CNTNAP2: variants seen among roughly 807,000 people sequenced by gnomAD.
CNTNAP2 encodes the protein contactin associated protein 2.
CNTNAP2 carries 98 observed loss-of-function variants against 155.2 expected under a neutral mutation model. The observed-to-expected ratio is 0.63, with a 90% CI of 0.54 to 0.75. CNTNAP2 has a LOEUF of 0.75. CNTNAP2 is among the 30% of genes least tolerant of loss of function. The probability of loss-of-function intolerance (pLI) is 0.00; values close to 1 mark genes in which losing one functional copy is unlikely to be tolerated. For missense variants in CNTNAP2, 1,727 were observed against 1,688.1 expected (o/e 1.02, Z -0.40); for synonymous variants, 651 against 631.2 (o/e 1.03, Z -0.47).
intron 10 of CNTNAP2, among the ~76,000 whole-genome samples, chr7:147,409,776 G>T (rs1797071442): frequency 6.7e-6 from 1 of 149,854 alleles, no homozygotes; most frequent in African/African-American, 2.5e-5. Flanking sequence ...ACATACTTGA[G>T]ATGAACCATC....
At position 147,400,356 on chromosome 7, in the gene CNTNAP2, C is replaced by T. The variant is rs950476520; in HGVS notation, c.1670+4576C>T. ...GCTAGAATTCCTAAACTCGGAGACT[C>T]GCTACAACAGATCTGATAGTTGGCC... On this transcript the variant is annotated intron_variant, in intron 10 of 23. Transcript: ENST00000361727. 2.6e-5 allele frequency among the ~76,000 whole-genome samples: 4 copies of T among 152,080 alleles called. 1 individual carries two copies. Among genetic ancestry groups the T allele is most frequent in the East Asian group, 1.9e-4 (1 of 5,190 alleles).
chr7:146,856,730 A>C (rs994340133), intron 3 of CNTNAP2, among the ~76,000 whole-genome samples: 13 of 152,210 alleles, frequency 8.5e-5, no homozygotes, highest in African/African-American at 2.9e-4. Context: ...AACACCGTGC[A>C]TGTAGTGTCC....
intron 15 of CNTNAP2, among the ~76,000 whole-genome samples, chr7:148,083,234 A>C (rs1042204511): frequency 6.6e-6 from 1 of 152,200 alleles, no homozygotes; most frequent in African/African-American, 2.4e-5. Context: ...GAAGACGCTC[A>C]AAAATAATGA....
chr7:148,008,645 AC>A (rs1802020515), intron 15 of CNTNAP2, among the ~76,000 whole-genome samples: 1 of 152,186 alleles, frequency 6.6e-6, no homozygotes, highest in South Asian at 2.1e-4. Context: ...TTCCTGTGAG[AC>A]AGCTTCATCC....
chr7:146,847,595 A>G (rs1794784538), intron 3 of CNTNAP2, among the ~76,000 whole-genome samples: 2 of 152,200 alleles, frequency 1.3e-5, no homozygotes, highest in South Asian at 2.1e-4. Context: ...GTGCATTAAC[A>G]TAGTATATTG....
chr7:147,289,809 A>T (rs1055965603), intron 8 of CNTNAP2, among the ~76,000 whole-genome samples: 1 of 152,162 alleles, frequency 6.6e-6, no homozygotes, highest in Non-Finnish European at 1.5e-5. Context: ...TAAGAGTCTA[A>T]TTGTTTTCTC....
intron 3 of CNTNAP2, among the ~76,000 whole-genome samples, chr7:146,919,046 T>C (rs1044039862): frequency 3.3e-5 from 5 of 152,200 alleles, no homozygotes; most frequent in Non-Finnish European, 7.3e-5. Context: ...TTATATTTTA[T>C]TTTTTGCTAC....
intron 16 of CNTNAP2, among the ~76,000 whole-genome samples, chr7:148,118,514 T>A (rs1804526074): frequency 1.3e-5 from 2 of 152,098 alleles, no homozygotes; most frequent in African/African-American, 4.8e-5. Flanking sequence ...AAGCAATTAG[T>A]CAAGAAGATG....
Position 147,347,463 on chromosome 7 carries a change from T to TATGC in CNTNAP2, c.1498+47175_1498+47176insGCAT, listed in dbSNP as rs1563169368. 1.4e-3 allele frequency among the ~76,000 whole-genome samples: 93 copies of TATGC among 67,850 alleles called. 2 individuals are homozygous for TATGC. Among genetic ancestry groups the TATGC allele is most frequent in the African/African-American group, 3.1e-3 (91 of 29,386 alleles). 44.5% of individuals were successfully genotyped at this position (67,850 alleles called of 152,430 possible). A position where few individuals can be genotyped will look rare whatever the true frequency, so the allele number is the denominator to read the frequency against. On this transcript the variant is annotated intron_variant, in intron 9 of 23. Transcript: ENST00000361727. ...ATGCATATATATATATATGCATATA[T>TATGC]ATATATATATATGCATATATATATA...
At chr7:146,817,474 A>AC (rs1300681253) in intron 2 of CNTNAP2, among the ~76,000 whole-genome samples, 2 of 151,926 alleles carry the variant, frequency 1.3e-5, no homozygotes, top group African/African-American at 4.8e-5. Context: ...CTCCATCAAA[A>AC]AAAAAAAAAA....
intron 13 of CNTNAP2, among the ~76,000 whole-genome samples, chr7:147,705,628 TG>T (rs1227500989): frequency 6.6e-6 from 1 of 152,174 alleles, no homozygotes; most frequent in Admixed American, 6.6e-5. Flanking sequence ...CTAGATGATT[TG>T]TCTCATGCTG....
chr7:146,430,193 TA>T (rs1268486714), intron 1 of CNTNAP2, among the ~76,000 whole-genome samples: 7 of 151,684 alleles, frequency 4.6e-5, no homozygotes, highest in Non-Finnish European at 7.4e-5. Flanking sequence ...TTTTTTGTTT[TA>T]TTTTTTTAAT....
chr7:147,513,870 C>T (rs1163814747), intron 11 of CNTNAP2, among the ~76,000 whole-genome samples: 2 of 152,202 alleles, frequency 1.3e-5, no homozygotes, highest in African/African-American at 2.4e-5. Context: ...AAGAAATTAT[C>T]AGACAAGAAC....
chr7:147,168,982 A>G (rs1802175187), intron 8 of CNTNAP2, among the ~76,000 whole-genome samples: 1 of 152,206 alleles, frequency 6.6e-6, no homozygotes, highest in African/African-American at 2.4e-5. Flanking sequence ...GAGTATATCA[A>G]TCTCAGATTA....
intron 12 of CNTNAP2, among the ~76,000 whole-genome samples, chr7:147,592,422 A>C (rs1800753626): frequency 6.6e-6 from 1 of 151,826 alleles, no homozygotes; most frequent in Non-Finnish European, 1.5e-5. Flanking sequence ...ATAGCAAATT[A>C]ATACACCAAT....
At chr7:148,360,399 A>G (rs902437431) in intron 21 of CNTNAP2, among the ~76,000 whole-genome samples, 2 of 152,232 alleles carry the variant, frequency 1.3e-5, no homozygotes, top group Non-Finnish European at 2.9e-5. Flanking sequence ...TCTCCAAATG[A>G]AAAGTTTTGA....
chr7:147,691,337 C>A (rs1796084022), intron 13 of CNTNAP2, among the ~76,000 whole-genome samples: 1 of 152,078 alleles, frequency 6.6e-6, no homozygotes, highest in South Asian at 2.1e-4. Flanking sequence ...GTAAGTCAAA[C>A]CCTGATTTGC....
intron 21 of CNTNAP2, among the ~76,000 whole-genome samples, chr7:148,348,037 G>T (rs917875657): frequency 6.6e-6 from 1 of 152,130 alleles, no homozygotes; most frequent in African/African-American, 2.4e-5. Context: ...AGACTCTTTG[G>T]CTAGTTTTAT....
intron 1 of CNTNAP2, among the ~76,000 whole-genome samples, chr7:146,506,538 A>G (rs570368348): frequency 1.1e-4 from 17 of 152,214 alleles, no homozygotes; most frequent in African/African-American, 4.1e-4. Flanking sequence ...ATCATTGCCC[A>G]GGGCAGTGAA....
Sources: allele counts gnomAD v4.1 joint callset (sites outside exome capture counted in the v4.1 genomes callset), GRCh38; gene constraint gnomAD v4.1.1; transcripts MANE v1.5; gene names NCBI Gene and HGNC (gene_info 2026-07-23, HGNC 2026-07-21).